The following SLC28A3 variants were observed in gnomAD, a reference collection of about 807,000 sequenced individuals.
SLC28A3 encodes the protein concentrative Na(+)-nucleoside cotransporter 3.
SLC28A3 carries 68 observed loss-of-function variants against 84.2 expected under a neutral mutation model. The ratio of observed to expected loss-of-function variants is 0.81; its 90% CI spans 0.66 to 0.99. SLC28A3 has a LOEUF of 0.99. Ranked by LOEUF, SLC28A3 falls within the 50% of genes least tolerant of loss-of-function variation. The pLI, the probability that SLC28A3 is intolerant of heterozygous loss-of-function variation, is 0.00. For missense variants in SLC28A3, 712 were observed against 841.5 expected, an observed-to-expected ratio of 0.85 and a Z score of 1.90; for synonymous variants, 267 against 303.6, an observed-to-expected ratio of 0.88 and a Z score of 1.25.
At chr9:84,352,631 T>G in the SLC28A3 span, among the ~76,000 whole-genome samples, 11 of 151,212 alleles carry the variant, frequency 7.3e-5, no homozygotes, top group African/African-American at 2.7e-4. Flanking sequence ...ACACCTGTAA[T>G]CCCAGCACTT....
At chr9:84,295,586 A>AAAACAAAC (rs57475975) in intron 8 of SLC28A3, among the ~76,000 whole-genome samples, 2,242 of 151,720 alleles carry the variant, frequency 0.015, 55 homozygotes, top group African/African-American at 0.052. Context: ...CCATCTCACA[A>AAAACAAAC]AAACAAACAA....
intron 1 of SLC28A3, among the ~76,000 whole-genome samples, chr9:84,323,307 T>C (rs996114026): frequency 6.6e-6 from 1 of 152,262 alleles, no homozygotes; most frequent in African/African-American, 2.4e-5. Flanking sequence ...AGCAAACAGG[T>C]ATAGAGAAAT....
chr9:84,299,321 C>G (rs61528775), intron 6 of SLC28A3, among the ~76,000 whole-genome samples: 1 of 151,790 alleles, frequency 6.6e-6, no homozygotes, highest in Non-Finnish European at 1.5e-5. Flanking sequence ...GGAGGGTATG[C>G]GAGAAGAAAT....
At chr9:84,278,658 T>TG in intron 17 of SLC28A3, among the ~76,000 whole-genome samples, 1 of 151,392 alleles carries the variant, frequency 6.6e-6, no homozygotes, top group African/African-American at 2.4e-5. Flanking sequence ...CTGTACAGGG[T>TG]GGGGGTGGCT....
rs549027259 is a variant in SLC28A3, at chr9:84,276,509, A to G, written c.*1709T>C. Reference sequence around the variant, plus strand: ...CTGTAAACAAAGTAAATGCATGTCCACAGAGGAATGGTATGATACATAAAC... The same window carrying G: ...CTGTAAACAAAGTAAATGCATGTCCGCAGAGGAATGGTATGATACATAAAC... On this transcript the variant is annotated 3_prime_UTR_variant, in exon 18 of 18. Coordinates refer to ENST00000376238, the MANE Select transcript of SLC28A3 (RefSeq NM_001199633.2). The G allele has an allele frequency of 3.9e-5, 6 of 152,280 alleles. No homozygotes were observed. In the East Asian group the frequency reaches 9.6e-4, roughly 24 times the overall value. The allele number at this position is 152,280 out of a possible 1,614,324, so 9.4% of individuals were successfully genotyped here. A position where few individuals can be genotyped will look rare whatever the true frequency, so the allele number is the denominator to read the frequency against.
chr9:84,300,880 G>T (rs990631952), intron 5 of SLC28A3, among the ~76,000 whole-genome samples: 25 of 152,072 alleles, frequency 1.6e-4, no homozygotes, highest in African/African-American at 6.0e-4. Flanking sequence ...GGAGAAAGGG[G>T]ACACTCAGGC....
At chr9:84,281,745 A>G (rs1249003047) in intron 14 of SLC28A3, among the ~76,000 whole-genome samples, 1 of 152,256 alleles carries the variant, frequency 6.6e-6, no homozygotes, top group Non-Finnish European at 1.5e-5. Context: ...TGGATAAACA[A>G]TTGTGGATAC....
At chr9:84,290,817 T>C (rs937581400) in intron 10 of SLC28A3, among the ~76,000 whole-genome samples, 8 of 148,082 alleles carry the variant, frequency 5.4e-5, no homozygotes, top group African/African-American at 2.0e-4. Context: ...CTCAGAGAAA[T>C]AGACACAAGC....
intron 1 of SLC28A3, among the ~76,000 whole-genome samples, chr9:84,337,824 G>A (rs146836039): frequency 2.6e-4 from 39 of 151,750 alleles, no homozygotes; most frequent in African/African-American, 9.2e-4. Context: ...CATTTCTATC[G>A]TTGGTTACAA....
the SLC28A3 span, among the ~76,000 whole-genome samples, chr9:84,360,890 C>G: frequency 2.0e-5 from 3 of 152,004 alleles, no homozygotes; most frequent in Non-Finnish European, 4.4e-5. Context: ...GGTGACAGAG[C>G]AAGACCTTGT....
upstream of SLC28A3, among the ~76,000 whole-genome samples, chr9:84,342,365 T>C (rs7854245): frequency 0.048 from 7,273 of 152,014 alleles, 325 homozygotes; most frequent in East Asian, 0.17. Flanking sequence ...AAGTTTGAGA[T>C]TGCAACTTGG....
chr9:84,332,554 G>T (rs903495136), intron 1 of SLC28A3, among the ~76,000 whole-genome samples: 2 of 152,072 alleles, frequency 1.3e-5, no homozygotes, highest in African/African-American at 4.8e-5. Context: ...AACCCATGAA[G>T]GTAACTACCA....
In SLC28A3 at chr9:84,314,952, T is replaced by C. The variant is rs1826119427; in HGVS notation, c.61-1498A>G. On this transcript the variant is annotated intron_variant, in intron 1 of 17. Transcript: ENST00000376238. ...ATTAGCTGGGCGTGGTGGCAGGTGC[T>C]TGTAATCCCAACTACTTGGGAGGCT... is the stretch of plus-strand genomic sequence containing the variant. Among the ~76,000 whole-genome samples, 4 of 152,044 alleles carry C rather than the reference T, an allele frequency of 2.6e-5. No homozygotes were observed. In the South Asian group the frequency reaches 6.2e-4, roughly 24 times the overall value.
intron 1 of SLC28A3, among the ~76,000 whole-genome samples, chr9:84,323,613 C>T (rs762267836): frequency 4.6e-5 from 7 of 151,828 alleles, no homozygotes; most frequent in Admixed American, 2.6e-4. Flanking sequence ...TTAGTAAAGA[C>T]GGGGTTTCAT....
the SLC28A3 span, among the ~76,000 whole-genome samples, chr9:84,352,426 G>A: frequency 6.5e-3 from 983 of 151,800 alleles, 9 homozygotes; most frequent in African/African-American, 0.023. Context: ...CTCATGATCC[G>A]CCTGCCTGTG....
intron 1 of SLC28A3, among the ~76,000 whole-genome samples, chr9:84,326,376 A>G (rs1284563442): frequency 1.3e-5 from 2 of 152,154 alleles, no homozygotes; most frequent in African/African-American, 4.8e-5. Flanking sequence ...CAAGGTTATC[A>G]AAAGAAAAAA....
intron 12 of SLC28A3, among the ~76,000 whole-genome samples, chr9:84,287,023 G>A (rs1825017172): frequency 6.6e-6 from 1 of 152,088 alleles, no homozygotes; most frequent in Non-Finnish European, 1.5e-5. Context: ...GGACAACATG[G>A]TGAAATACTG....
chr9:84,294,607 C>T (rs1825348866), intron 8 of SLC28A3, among the ~76,000 whole-genome samples: 1 of 152,156 alleles, frequency 6.6e-6, no homozygotes, highest in Non-Finnish European at 1.5e-5. Context: ...TGGGCTTCAC[C>T]ACTAGTTAGC....
intron 10 of SLC28A3, among the ~76,000 whole-genome samples, chr9:84,291,611 C>G (rs1277513801): frequency 6.6e-6 from 1 of 152,238 alleles, no homozygotes; most frequent in Non-Finnish European, 1.5e-5. Context: ...GTTGGGATTA[C>G]AGGCGTGAGC....
Sources: allele counts gnomAD v4.1 joint callset (sites outside exome capture counted in the v4.1 genomes callset), GRCh38; gene constraint gnomAD v4.1.1; transcripts MANE v1.5; gene names NCBI Gene and HGNC (gene_info 2026-07-23, HGNC 2026-07-21).